Variants in TMEM63C observed in about 807,000 individuals in gnomAD.
The protein encoded by TMEM63C is transmembrane protein 63C, also known as osmosensitive cation channel TMEM63C.
Under a neutral mutation model 99.2 loss-of-function variants are expected in TMEM63C, and 32 were observed. That is an observed-to-expected ratio of 0.32 (90% confidence interval 0.24 to 0.43). The LOEUF (loss-of-function observed/expected upper bound fraction) is 0.43. TMEM63C is among the 20% of genes least tolerant of loss of function. The pLI is 1.00. For synonymous variants in TMEM63C, 376 were observed against 397.9 expected, an observed-to-expected ratio of 0.94 and a Z score of 0.66; for missense variants, 826 against 1,053.0, an observed-to-expected ratio of 0.78 and a Z score of 2.98.
chr14:77,215,616 AAAG>A (rs1353756660), intron 2 of TMEM63C, among the ~76,000 whole-genome samples: 8 of 147,384 alleles, frequency 5.4e-5, no homozygotes, highest in African/African-American at 1.8e-4. Flanking sequence ...AAAAAAAAAA[AAAG>A]AAAAGAAAAG....
chr14:77,202,636 A>C (rs1888317270), intron 1 of TMEM63C, among the ~76,000 whole-genome samples: 1 of 152,136 alleles, frequency 6.6e-6, no homozygotes, highest in Non-Finnish European at 1.5e-5. Flanking sequence ...TAAGGACACC[A>C]GTCGTTGGAT....
intron 22 of TMEM63C, 78 bp from the exon 23 acceptor site, chr14:77,253,227 G>T: frequency 7.6e-7 from 1 of 1,322,896 alleles, no homozygotes; most frequent in East Asian, 2.5e-5. Context: ...GCCCAGGTGT[G>T]GAGTTGAGGC....
chr14:77,245,870 A>G, intron 16 of TMEM63C, 70 bp from the exon 17 acceptor site: 3 of 1,120,774 alleles, frequency 2.7e-6, no homozygotes, highest in East Asian at 2.3e-5. Flanking sequence ...CTTCCTCTCT[A>G]TTACATAGTT....
Position 77,257,407 on chromosome 14 carries a change from A to G in TMEM63C, c.*681A>G, listed in dbSNP as rs1889485524. On this transcript the variant is annotated 3_prime_UTR_variant, in exon 24 of 24. Coordinates refer to ENST00000298351, the MANE Select transcript of TMEM63C (RefSeq NM_020431.4). ...CAGCAGGGCAGAGGCCCTTCTTTCTATTCTTACAAGGGTAGCTAGAGCGTG... is the reference window on the plus strand; with the variant it reads ...CAGCAGGGCAGAGGCCCTTCTTTCTGTTCTTACAAGGGTAGCTAGAGCGTG... The G allele has an allele frequency of 1.3e-5, 2 of 152,236 alleles. No individual in the cohort carries two copies. The highest frequency in any genetic ancestry group is 4.8e-5 in the African/African-American group (2 of 41,456). The allele number at this position is 152,236 out of a possible 1,614,324, so 9.4% of individuals were successfully genotyped here. A position where few individuals can be genotyped will look rare whatever the true frequency, so the allele number is the denominator to read the frequency against.
chr14:77,186,621 G>C (rs150379937), intron 1 of TMEM63C, among the ~76,000 whole-genome samples: 1 of 152,114 alleles, frequency 6.6e-6, no homozygotes, highest in African/African-American at 2.4e-5. Flanking sequence ...AGGCCAGAAG[G>C]TTTAGTCTGC....
intron 1 of TMEM63C, among the ~76,000 whole-genome samples, chr14:77,204,329 A>T (rs1888359896): frequency 6.6e-6 from 1 of 152,070 alleles, no homozygotes; most frequent in African/African-American, 2.4e-5. Flanking sequence ...CCCTAGGGGG[A>T]GACAGAGGTG....
intron 5 of TMEM63C, among the ~76,000 whole-genome samples, chr14:77,222,883 C>A (rs975595897): frequency 1.8e-4 from 28 of 152,242 alleles, no homozygotes; most frequent in Non-Finnish European, 4.0e-4. Context: ...CCCTCATCTG[C>A]AAGATCAGTC....
intron 1 of TMEM63C, among the ~76,000 whole-genome samples, chr14:77,182,834 T>G (rs11159250): frequency 0.44 from 66,227 of 151,884 alleles, 14,899 homozygotes; most frequent in Admixed American, 0.51. Context: ...AAGGAAAGAA[T>G]GAGAGTTGGC....
At chr14:77,214,007 G>A (rs935216090) in intron 2 of TMEM63C, among the ~76,000 whole-genome samples, 5 of 152,020 alleles carry the variant, frequency 3.3e-5, no homozygotes, top group Non-Finnish European at 7.4e-5. Flanking sequence ...TTCTGGGAGT[G>A]AGCACAAGCA....
chr14:77,214,875 G>T (rs1009008559), intron 2 of TMEM63C, among the ~76,000 whole-genome samples: 1 of 151,946 alleles, frequency 6.6e-6, no homozygotes, highest in African/African-American at 2.4e-5. Flanking sequence ...CTTACTAGCC[G>T]TCCACAATTC....
chr14:77,244,544 C>T (rs1235939933), intron 16 of TMEM63C, 89 bp downstream of exon 16: 2 of 967,316 alleles, frequency 2.1e-6, no homozygotes, highest in South Asian at 1.4e-5. Flanking sequence ...ACTTGGGCCT[C>T]CCCTCTAGCC....
At chr14:77,242,597 C>T (rs1231200546) in intron 14 of TMEM63C, 128 bp downstream of exon 14, 1 of 1,284,830 alleles carries the variant, frequency 7.8e-7, no homozygotes, top group East Asian at 2.3e-5. Flanking sequence ...TCCATGCTCT[C>T]CTAAGCACCA....
intron 1 of TMEM63C, among the ~76,000 whole-genome samples, chr14:77,182,678 T>C (rs2540895): frequency 6.6e-6 from 1 of 152,096 alleles, no homozygotes; most frequent in Non-Finnish European, 1.5e-5. Context: ...TCCCTGAGAA[T>C]GCAGGGAGTT....
intron 1 of TMEM63C, among the ~76,000 whole-genome samples, chr14:77,189,086 A>C (rs1888055189): frequency 6.6e-6 from 1 of 152,098 alleles, no homozygotes; most frequent in Non-Finnish European, 1.5e-5. Flanking sequence ...TAATACCATT[A>C]AGTGAAACTT....
chr14:77,251,783 C>G lies in TMEM63C; in HGVS notation c.2039-6C>G. ...CCTGCCCATGACTTTTTCTCCTCCTCGGCAGGTTCTCTCCACGCCATCACC... is the reference window on the plus strand; with the variant it reads ...CCTGCCCATGACTTTTTCTCCTCCTGGGCAGGTTCTCTCCACGCCATCACC... On this transcript the variant is annotated splice_polypyrimidine_tract_variant and splice_region_variant and intron_variant, in intron 21 of 23. Transcript: ENST00000298351. 6.2e-7 allele frequency: 1 copy of G among 1,611,358 alleles called. No homozygotes were observed. The highest frequency in any genetic ancestry group is 8.5e-7 in the Non-Finnish European group (1 of 1,177,532).
In TMEM63C at chr14:77,227,036, G is replaced by A. The variant is rs565201916; in HGVS notation, c.350+1575G>A. Among the ~76,000 whole-genome samples the A allele has an allele frequency of 2.6e-5, 4 of 152,294 alleles. No homozygotes were observed. In the South Asian group the frequency reaches 8.3e-4, roughly 32 times the overall value. On this transcript the variant is annotated intron_variant, in intron 6 of 23. Transcript: ENST00000298351. ...ACCTGCCTCAGTCTCTTAAAGTGCT[G>A]GGATTACAGGCATGAGCCACCGCAC... is the stretch of plus-strand genomic sequence containing the variant.
At position 77,259,024 on chromosome 14, in the gene TMEM63C, T is replaced by C. The variant is rs1889531246; in HGVS notation, c.*2298T>C. ...TGGACCTCCCATGGTCACTACAGGA[T>C]GGTGGAGCAGGGGGCATCTTTTAGC... On this transcript the variant is annotated 3_prime_UTR_variant, in exon 24 of 24. Transcript: ENST00000298351. The C allele has an allele frequency of 6.5e-6, 1 of 152,690 alleles. No homozygotes were observed. The highest frequency in any genetic ancestry group is 2.1e-4 in the South Asian group (1 of 4,848). 9.5% of individuals were successfully genotyped at this position (152,690 alleles called of 1,614,324 possible).
At chr14:77,220,129 T>C (rs1243890963) in intron 5 of TMEM63C, 42 bp downstream of exon 5, 1 of 1,530,102 alleles carries the variant, frequency 6.5e-7, no homozygotes, top group Non-Finnish European at 8.9e-7. Flanking sequence ...GTCCCAGCAC[T>C]GGGCAGGCAG....
intron 5 of TMEM63C, among the ~76,000 whole-genome samples, chr14:77,224,316 C>T (rs1345891796): frequency 6.6e-6 from 1 of 152,032 alleles, no homozygotes; most frequent in Non-Finnish European, 1.5e-5. Context: ...GTTTCCTTCC[C>T]TGTGTCAGGT....
Sources: allele counts gnomAD v4.1 joint callset (sites outside exome capture counted in the v4.1 genomes callset), GRCh38; gene constraint gnomAD v4.1.1; transcripts MANE v1.5; gene names NCBI Gene and HGNC (gene_info 2026-07-23, HGNC 2026-07-21).